Variants in HEATR5A observed in about 807,000 individuals in gnomAD.
HEATR5A encodes the protein HEAT repeat containing 5A, also known as HEAT repeat-containing protein 5A.
HEATR5A carries 178 observed loss-of-function variants against 218.8 expected under a neutral mutation model. The ratio of observed to expected loss-of-function variants is 0.81; its 90% CI spans 0.72 to 0.92. The LOEUF (loss-of-function observed/expected upper bound fraction) is 0.92, where lower values mean the gene tolerates loss of function less well. Ranked by LOEUF, HEATR5A falls within the 40% of genes least tolerant of loss-of-function variation. The probability of loss-of-function intolerance (pLI) is 0.00; values close to 1 mark genes in which losing one functional copy is unlikely to be tolerated. For missense variants in HEATR5A, 2,420 were observed against 2,418.9 expected, an observed-to-expected ratio of 1.00 and a Z score of -0.01; for synonymous variants, 864 against 871.6, an observed-to-expected ratio of 0.99 and a Z score of 0.15.
intron 1 of HEATR5A, among the ~76,000 whole-genome samples, chr14:31,414,215 C>T (rs117714871): frequency 6.6e-6 from 1 of 152,110 alleles, no homozygotes; most frequent in Non-Finnish European, 1.5e-5. Context: ...CTTGTATCTC[C>T]CACCACACTC....
chr14:31,419,179 T>C (rs967988175), intron 1 of HEATR5A, among the ~76,000 whole-genome samples: 5 of 152,078 alleles, frequency 3.3e-5, no homozygotes, highest in Admixed American at 1.3e-4. Flanking sequence ...TCTATAGTCA[T>C]CTAGGTAAAA....
chr14:31,384,419 G>C (rs572624707), intron 9 of HEATR5A, among the ~76,000 whole-genome samples: 1 of 150,912 alleles, frequency 6.6e-6, no homozygotes. Flanking sequence ...ACTCCAACGT[G>C]GGTGACAGAC....
chr14:31,357,762 G>A (rs1901475293), intron 16 of HEATR5A, among the ~76,000 whole-genome samples: 1 of 152,188 alleles, frequency 6.6e-6, no homozygotes, highest in Non-Finnish European at 1.5e-5. Flanking sequence ...TATACAACAT[G>A]ATGTTTTTAA....
Position 31,323,564 on chromosome 14 carries a change from C to A in HEATR5A, c.3787+1G>T, listed in dbSNP as rs367588394. ...GGTGTTTTCATCACTATGTCACTTA[C>A]TTCTTGAATCTCTTTTTTTCATTTC... is the stretch of plus-strand genomic sequence containing the variant. On this transcript the variant is annotated splice_donor_variant, in intron 24 of 35. Transcript: ENST00000543095. LOFTEE classifies it high-confidence loss of function. 5 of 1,588,256 alleles carry A rather than the reference C, an allele frequency of 3.1e-6. No homozygotes were observed. The African/African-American group carries it at 6.7e-5, about 21-fold the overall frequency.
At chr14:31,334,355 C>T (rs539168898) in intron 22 of HEATR5A, 38 of 452,820 alleles carry the variant, frequency 8.4e-5, no homozygotes, top group East Asian at 4.2e-4. Flanking sequence ...CTGCCACAGA[C>T]GGATGGATCC....
chr14:31,313,222 C>T, intron 27 of HEATR5A, 32 bp from the exon 28 acceptor site: 1 of 1,502,138 alleles, frequency 6.7e-7, no homozygotes, highest in Non-Finnish European at 9.2e-7. Context: ...ACAGGAAAAT[C>T]TTTTATCTGC....
At position 31,381,691 on chromosome 14, in the gene HEATR5A, C is replaced by T. The variant is rs548624321; in HGVS notation, c.1597-1113G>A. Among the ~76,000 whole-genome samples the T allele has an allele frequency of 1.9e-3, 283 of 151,994 alleles. 1 individual carries two copies. The highest frequency in any genetic ancestry group is 3.2e-3 in the Non-Finnish European group (215 of 67,984). ...GTTTCAGCCACTTGGGAGGCTGAGA[C>T]GGGAAGATTGCTTGAGCCCTGGCAT... On this transcript the variant is annotated intron_variant, in intron 10 of 35. Transcript: ENST00000543095.
At chr14:31,308,506 T>A (rs1467271029) in intron 29 of HEATR5A, among the ~76,000 whole-genome samples, 13 of 125,912 alleles carry the variant, frequency 1.0e-4, no homozygotes, top group Admixed American at 4.2e-4. Flanking sequence ...AAACTCTGTC[T>A]AAAAAAAAAA....
At chr14:31,358,412 T>G (rs181269915) in intron 16 of HEATR5A, among the ~76,000 whole-genome samples, 4 of 152,214 alleles carry the variant, frequency 2.6e-5, no homozygotes, top group Admixed American at 2.0e-4. Flanking sequence ...TTCAGCTAGA[T>G]GATAAGCTGT....
intron 30 of HEATR5A, 27 bp from the exon 31 acceptor site, chr14:31,306,906 CTG>C (rs1899572082): frequency 6.5e-7 from 1 of 1,539,532 alleles, no homozygotes. Flanking sequence ...GTACAGGACA[CTG>C]TATTAGAAAT....
chr14:31,305,080 T>C lies in HEATR5A; in HGVS notation c.5064A>G (p.Thr1688=), dbSNP rs759735806. ...LVPGKSLVFA[T]LELCVCILVR... is the part of the protein sequence containing the mutation. ...CTAGAATGCATACACACAATTCCAGTGTTGCAAAGACCAAAGACTTTCCAG... is the reference window on the plus strand; with the variant it reads ...CTAGAATGCATACACACAATTCCAGCGTTGCAAAGACCAAAGACTTTCCAG... Residue 1688 remains threonine, a synonymous_variant, in exon 32 of 36, where the codon ACA becomes ACG. Coordinates refer to ENST00000543095, the MANE Select transcript of HEATR5A (RefSeq NM_015473.4). 7.4e-6 allele frequency: 12 copies of C among 1,613,956 alleles called. No homozygotes were observed. The highest frequency in any genetic ancestry group is 1.7e-5 in the Admixed American group (1 of 60,006).
chr14:31,398,702 TC>T lies in HEATR5A; in HGVS notation c.417del (p.Asn140IlefsTer6). 5.9e-6 allele frequency: 9 copies of T among 1,527,078 alleles called. No homozygotes were observed. Among genetic ancestry groups the T allele is most frequent in the Non-Finnish European group, 7.9e-6 (9 of 1,138,346 alleles). The allele number at this position is 1,527,078 out of a possible 1,614,324, so 94.6% of individuals were successfully genotyped here. On this transcript the variant is annotated frameshift_variant, in exon 4 of 36. Coordinates refer to ENST00000543095, the MANE Select transcript of HEATR5A (RefSeq NM_015473.4). LOFTEE classifies it high-confidence loss of function. Reference protein sequence around the residue: ...ILGNTFTDTVGNILKAMKSAE... With the variant: ...ILGNTFTDTVXNILKAMKSAE... ...GCACTCTTCATAGCTTTAAGAATAT[TC>T]CCCACTGTATCAGTAAAGGTGTTAC...
chr14:31,366,445 C>G (rs1259560044), intron 13 of HEATR5A, among the ~76,000 whole-genome samples: 1 of 152,040 alleles, frequency 6.6e-6, no homozygotes, highest in Non-Finnish European at 1.5e-5. Context: ...TTCTAAAAAT[C>G]CTGCAACGTT....
intron 34 of HEATR5A, among the ~76,000 whole-genome samples, chr14:31,294,751 C>CA (rs1026194439): frequency 7.2e-5 from 11 of 151,872 alleles, no homozygotes; most frequent in East Asian, 1.9e-4. Context: ...CAAAACAAAA[C>CA]AAAAAAACAC....
intron 33 of HEATR5A, among the ~76,000 whole-genome samples, chr14:31,301,294 G>C (rs1899363150): frequency 6.6e-6 from 1 of 152,018 alleles, no homozygotes; most frequent in South Asian, 2.1e-4. Context: ...CTCGCTTTGT[G>C]CCCCAGGATG....
intron 14 of HEATR5A, among the ~76,000 whole-genome samples, chr14:31,360,226 C>A (rs1197222780): frequency 1.3e-5 from 2 of 152,070 alleles, no homozygotes; most frequent in Non-Finnish European, 2.9e-5. Flanking sequence ...TATACCTTTC[C>A]CCTCACTGGT....
chr14:31,293,784 A>G (rs990248242), intron 35 of HEATR5A, 107 bp downstream of exon 35: 2 of 1,068,128 alleles, frequency 1.9e-6, no homozygotes, highest in African/African-American at 3.2e-5. Flanking sequence ...ACACCTTTCA[A>G]TGAATGTGAA....
intron 22 of HEATR5A, among the ~76,000 whole-genome samples, chr14:31,335,967 A>G (rs1900636811): frequency 1.5e-5 from 1 of 65,560 alleles, no homozygotes; most frequent in South Asian, 8.5e-4. Context: ...GGTGTAAGAT[A>G]ATTACCTTTT....
In HEATR5A at chr14:31,371,881, A is replaced by G; in HGVS notation, c.1890T>C (p.Gly630=). Residue 630 remains glycine (G), a synonymous_variant, in exon 13 of 36, where the codon GGT becomes GGC. Coordinates refer to ENST00000543095, the MANE Select transcript of HEATR5A (RefSeq NM_015473.4). ...GAGTTACTTCCTCAGTAAGAAGATCACCACAGTGGGAAACAAAGCTCTTGA... is the reference window on the plus strand; with the variant it reads ...GAGTTACTTCCTCAGTAAGAAGATCGCCACAGTGGGAAACAAAGCTCTTGA... ...CAIKSFVSHC[G]DLLTEEVTQR... The G allele has an allele frequency of 6.5e-7, 1 of 1,548,386 alleles. No homozygotes were observed.
Sources: allele counts gnomAD v4.1 joint callset (sites outside exome capture counted in the v4.1 genomes callset), GRCh38; gene constraint gnomAD v4.1.1; transcripts MANE v1.5; gene names NCBI Gene and HGNC (gene_info 2026-07-23, HGNC 2026-07-21).